The following ME1 variants were observed in gnomAD, a reference collection of about 807,000 sequenced individuals.
The protein encoded by ME1 is NADP-dependent malic enzyme.
In ME1, 74 loss-of-function variants were observed where a neutral mutation model predicts 66.4. The ratio of observed to expected loss-of-function variants is 1.11; its 90% CI spans 0.92 to 1.35. The LOEUF is 1.35. ME1 is among the 40% of genes most tolerant of loss of function. The probability of loss-of-function intolerance (pLI) is 0.00; values close to 1 mark genes in which losing one functional copy is unlikely to be tolerated. For missense variants in ME1, 750 were observed against 694.1 expected, an observed-to-expected ratio of 1.08 and a Z score of -0.90; for synonymous variants, 251 against 235.6, an observed-to-expected ratio of 1.07 and a Z score of -0.60.
In ME1 at chr6:83,425,598, A is replaced by G. The variant is rs905941105; in HGVS notation, c.78+5279T>C. ...CCAGGAGAACAGCAGCATGGGGGTA[A>G]CCACCCCCATCATTCAATTACCTCC... On this transcript the variant is annotated intron_variant, in intron 1 of 13. Coordinates refer to ENST00000369705, the MANE Select transcript of ME1 (RefSeq NM_002395.6). 5.3e-5 allele frequency among the ~76,000 whole-genome samples: 8 copies of G among 152,080 alleles called. No individual in the cohort carries two copies. The South Asian group carries it at 1.5e-3, about 28-fold the overall frequency.
intron 5 of ME1, among the ~76,000 whole-genome samples, chr6:83,321,416 C>G (rs1031105507): frequency 3.9e-5 from 6 of 152,160 alleles, no homozygotes; most frequent in Non-Finnish European, 5.9e-5. Context: ...GCTTGAAATT[C>G]TTGCTGCCAG....
chr6:83,280,416 T>C (rs1446048120), intron 6 of ME1, among the ~76,000 whole-genome samples: 1 of 152,172 alleles, frequency 6.6e-6, no homozygotes, highest in Non-Finnish European at 1.5e-5. Flanking sequence ...TAAAAGTGGA[T>C]TTGGATTTGT....
At chr6:83,372,122 A>G (rs1769201730) in intron 3 of ME1, among the ~76,000 whole-genome samples, 1 of 152,214 alleles carries the variant, frequency 6.6e-6, no homozygotes, top group East Asian at 1.9e-4. Flanking sequence ...AGCAAATAGT[A>G]GCTGAGGCAT....
chr6:83,260,138 A>G (rs1766857416), intron 6 of ME1, among the ~76,000 whole-genome samples: 1 of 151,664 alleles, frequency 6.6e-6, no homozygotes, highest in Admixed American at 6.6e-5. Context: ...AAAAGCATCT[A>G]TAGAATCAAA....
intron 2 of ME1, among the ~76,000 whole-genome samples, chr6:83,401,895 T>C (rs1769847580): frequency 1.3e-5 from 2 of 152,214 alleles, no homozygotes; most frequent in African/African-American, 4.8e-5. Context: ...GCTTCCATTA[T>C]GGGAAGGACA....
chr6:83,255,516 A>C (rs1452905458), intron 6 of ME1, among the ~76,000 whole-genome samples: 2 of 151,920 alleles, frequency 1.3e-5, no homozygotes, highest in Non-Finnish European at 2.9e-5. Flanking sequence ...CTATTAATGA[A>C]AATTTCCTCT....
intron 1 of ME1, among the ~76,000 whole-genome samples, chr6:83,416,179 T>C (rs575138388): frequency 1.3e-5 from 2 of 152,328 alleles, no homozygotes; most frequent in South Asian, 4.1e-4. Flanking sequence ...ACTGAACACA[T>C]AGTACATGTT....
intron 3 of ME1, among the ~76,000 whole-genome samples, chr6:83,368,493 G>T (rs1448874577): frequency 1.3e-5 from 2 of 152,030 alleles, no homozygotes; most frequent in Non-Finnish European, 2.9e-5. Flanking sequence ...TTTTGCATGT[G>T]ATTTAAATAT....
chr6:83,300,260 T>C (rs117385593), intron 6 of ME1, among the ~76,000 whole-genome samples: 1,567 of 152,146 alleles, frequency 0.01, 15 homozygotes, highest in Non-Finnish European at 0.017. Context: ...GACTTAAATA[T>C]AAAACCCAAA....
chr6:83,268,728 G>GTTATCATTATTATTATTA (rs1554264425), intron 6 of ME1, among the ~76,000 whole-genome samples: 2 of 143,772 alleles, frequency 1.4e-5, no homozygotes, highest in African/African-American at 5.3e-5. Flanking sequence ...ACCATGCCCC[G>GTTATCATTATTATTATTA]TTATTATTAT....
chr6:83,366,365 C>T (rs1052805985), intron 3 of ME1, among the ~76,000 whole-genome samples: 12 of 152,100 alleles, frequency 7.9e-5, no homozygotes. Flanking sequence ...TCCCATAGAA[C>T]CCTGCTGTCT....
At position 83,418,863 on chromosome 6, in the gene ME1, A is replaced by G. The variant is rs191895464; in HGVS notation, c.79-10962T>C. On this transcript the variant is annotated intron_variant, in intron 1 of 13. Transcript: ENST00000369705. ...ACTTAATTTAGACAGTTAGAGAAAT[A>G]GTTCACTGAGGAGTAATGTCAAAAT... Among the ~76,000 whole-genome samples the G allele has an allele frequency of 1.1e-4, 17 of 152,188 alleles. No individual in the cohort carries two copies. In the East Asian group the frequency reaches 3.3e-3, roughly 29 times the overall value.
rs1789996901 is a variant in ME1 at position 83,216,515 on chromosome 6, G to A, written c.1531C>T (p.Leu511=). The A allele has an allele frequency of 6.2e-6, 10 of 1,605,080 alleles. No individual in the cohort carries two copies. In the East Asian group the frequency reaches 1.8e-4, roughly 29 times the overall value. Residue 511 remains leucine (L), a synonymous_variant, in exon 13 of 14, where the codon CTG becomes TTG. Coordinates refer to ENST00000369705, the MANE Select transcript of ME1 (RefSeq NM_002395.6). ...PPLNTIRDVS[L]KIAEKIVKDA... is the part of the protein sequence containing the mutation. The stretch of plus-strand genomic sequence containing the variant: ...GGTTTTACCTTTTCTGCAATTTTCA[G>A]AGAAACATCTCTAATGGTATTCAAA...
chr6:83,286,908 A>T (rs1767407463), intron 6 of ME1, among the ~76,000 whole-genome samples: 1 of 152,200 alleles, frequency 6.6e-6, no homozygotes, highest in Non-Finnish European at 1.5e-5. Context: ...AAAGCAGCTT[A>T]AAAAGAAAGC....
At chr6:83,390,787 T>C (rs992786756) in intron 3 of ME1, among the ~76,000 whole-genome samples, 2 of 152,118 alleles carry the variant, frequency 1.3e-5, no homozygotes, top group African/African-American at 4.8e-5. Flanking sequence ...TCAACATTTG[T>C]AAGCATTTTG....
At chr6:83,420,916 G>GT (rs899211049) in intron 1 of ME1, among the ~76,000 whole-genome samples, 21 of 151,394 alleles carry the variant, frequency 1.4e-4, no homozygotes, top group African/African-American at 4.9e-4. Context: ...TTTGTTTTTT[G>GT]TTTTTTTGTT....
intron 6 of ME1, among the ~76,000 whole-genome samples, chr6:83,269,205 A>T (rs553615830): frequency 5.9e-5 from 9 of 152,096 alleles, no homozygotes; most frequent in Non-Finnish European, 1.3e-4. Context: ...TCAGTTATTG[A>T]TTCATTTATT....
At chr6:83,380,187 A>G (rs930340083) in intron 3 of ME1, among the ~76,000 whole-genome samples, 7 of 152,142 alleles carry the variant, frequency 4.6e-5, no homozygotes, top group South Asian at 2.1e-4. Flanking sequence ...TTACTACACC[A>G]TCAATATGAA....
At chr6:83,417,569 C>T (rs1443104688) in intron 1 of ME1, among the ~76,000 whole-genome samples, 6 of 151,658 alleles carry the variant, frequency 4.0e-5, no homozygotes, top group East Asian at 2.0e-4. Context: ...TTAGTAGAGA[C>T]GGGGTTTCAC....
Sources: gnomAD v4.1 joint callset for allele counts (sites outside exome capture counted in the v4.1 genomes callset) on GRCh38, gnomAD v4.1.1 for gene constraint, MANE v1.5 for transcripts, NCBI Gene and HGNC (gene_info 2026-07-23, HGNC 2026-07-21) for gene names.